HAS2: variants seen among roughly 807,000 people sequenced by gnomAD.
HAS2 encodes hyaluronan synthase 2.
A neutral mutation model predicts 51.6 loss-of-function variants in HAS2; 16 were observed. That is an observed-to-expected ratio of 0.31 (90% confidence interval 0.21 to 0.47). HAS2 has a LOEUF of 0.47. Among genes scored for constraint, HAS2 ranks in the 20% least tolerant of loss-of-function variants. HAS2 has a pLI of 1.00. For synonymous variants in HAS2, 228 were observed against 235.5 expected (o/e 0.97, Z 0.29); for missense variants, 361 against 662.6 (o/e 0.54, Z 5.00).
chr8:121,628,519 A>G (rs1184203107), intron 2 of HAS2, among the ~76,000 whole-genome samples, 195 bp downstream of exon 2: 1 of 152,200 alleles, frequency 6.6e-6, no homozygotes, highest in Non-Finnish European at 1.5e-5. Flanking sequence ...ATGTTCATAG[A>G]TAGTCTCAAC....
In HAS2 at chr8:121,622,727, C is replaced by A. The variant is rs571639905; in HGVS notation, c.628-5521G>T. ...TCAATCCAAAGCTCTAGTGCATGTT[C>A]ATTAATAATATTACAACAAACTTCT... On this transcript the variant is annotated intron_variant, in intron 2 of 3. Coordinates refer to ENST00000303924, the MANE Select transcript of HAS2 (RefSeq NM_005328.3). Among the ~76,000 whole-genome samples, 6 of 150,942 alleles carry A rather than the reference C, an allele frequency of 4.0e-5. No homozygotes were observed. In the East Asian group the frequency reaches 1.2e-3, roughly 29 times the overall value.
intron 1 of HAS2, among the ~76,000 whole-genome samples, chr8:121,638,100 A>G (rs1586511917): frequency 6.6e-6 from 1 of 152,372 alleles, no homozygotes; most frequent in Middle Eastern, 3.4e-3. Flanking sequence ...AAATAAATGA[A>G]CCAGTGACAA....
At chr8:121,633,267 T>C (rs1451453856) in intron 1 of HAS2, among the ~76,000 whole-genome samples, 1 of 151,610 alleles carries the variant, frequency 6.6e-6, no homozygotes, top group African/African-American at 2.4e-5. Flanking sequence ...TGCCTCAGTC[T>C]CCCGAGTAGC....
At chr8:121,638,598 A>G (rs10102290) in intron 1 of HAS2, among the ~76,000 whole-genome samples, 28,994 of 152,178 alleles carry the variant, frequency 0.19, 2,841 homozygotes, top group Middle Eastern at 0.31. Flanking sequence ...AATCAGAATT[A>G]TCTGTCCCAG....
Position 121,614,760 on chromosome 8 carries a change from G to A in HAS2, c.1008C>T (p.Cys336=), listed in dbSNP as rs1812679386. 6.2e-7 allele frequency: 1 copy of A among 1,614,224 alleles called. No homozygotes were observed. Among genetic ancestry groups the A allele is most frequent in the Non-Finnish European group, 8.5e-7 (1 of 1,180,038 alleles). ...YATKYTARSK[C]LTETPIEYLR... ...GATATTCTATAGGTGTTTCAGTAAG[G>A]CACTTAGATCGAGCTGTGTATTTTG... The change falls in exon 4 of 4, where the codon TGC becomes TGT. Residue 336 remains cysteine (C), a synonymous_variant. Transcript: ENST00000303924. This position sits in a 1 kb window ranked among gnomAD's most constrained non-coding sequence, Gnocchi z 7.2.
At chr8:121,616,442 C>CT (rs531349255) in intron 3 of HAS2, among the ~76,000 whole-genome samples, 9,537 of 140,836 alleles carry the variant, frequency 0.068, 328 homozygotes, top group Middle Eastern at 0.17. Flanking sequence ...TTTTCTTTTT[C>CT]TTTTTTTTTT....
In HAS2 at chr8:121,613,816, T is replaced by C. The variant is rs1214426299; in HGVS notation, c.*293A>G. On this transcript the variant is annotated 3_prime_UTR_variant, in exon 4 of 4. Coordinates refer to ENST00000303924, the MANE Select transcript of HAS2 (RefSeq NM_005328.3). ...CATGATAACCCACATAAAGCATGGC[T>C]AGTGAGGTATATAGGGCAAAACACT... 5.0e-6 allele frequency: 2 copies of C among 397,942 alleles called. No individual in the cohort carries two copies. The highest frequency in any genetic ancestry group is 2.0e-5 in the African/African-American group (1 of 49,392). The allele number at this position is 397,942 out of a possible 1,614,324, so 24.7% of individuals were successfully genotyped here.
chr8:121,620,282 T>C (rs1350501036), intron 2 of HAS2, among the ~76,000 whole-genome samples: 1 of 152,196 alleles, frequency 6.6e-6, no homozygotes, highest in Non-Finnish European at 1.5e-5. Flanking sequence ...AGCATAATTT[T>C]AGCCCTTCTT....
At chr8:121,632,569 T>C (rs1812948259) in intron 1 of HAS2, among the ~76,000 whole-genome samples, 1 of 152,196 alleles carries the variant, frequency 6.6e-6, no homozygotes, top group South Asian at 2.1e-4. Context: ...AACCAAGTGT[T>C]AAAGAACAGC....
Position 121,629,271 on chromosome 8 carries a change from G to A in HAS2, c.70C>T (p.Leu24Phe), listed in dbSNP as rs1233065882. The A allele has an allele frequency of 6.2e-7, 1 of 1,612,630 alleles. No homozygotes were observed. Among genetic ancestry groups the A allele is most frequent in the Admixed American group, 1.7e-5 (1 of 60,012 alleles). ...ACAATATAAGCAGCTGTGATTCCAA[G>A]GAGGAGAGAGACTCCAAAGAGTGTG... ...GTTLFGVSLL[L>F]GITAAYIVGY... Residue 24 changes from leucine (L) to phenylalanine (F), a missense_variant, in exon 2 of 4, where the codon CTT becomes TTT. By Grantham distance (22) the Leu-to-Phe change is conservative. This residue lies in a region of HAS2 where 145 missense variants were observed against 217.6 expected (regional missense o/e 0.67). Coordinates refer to ENST00000303924, the MANE Select transcript of HAS2 (RefSeq NM_005328.3).
intron 3 of HAS2, 21 bp downstream of exon 3, chr8:121,617,084 A>C: frequency 7.4e-7 from 1 of 1,359,568 alleles, no homozygotes; most frequent in Non-Finnish European, 1.0e-6. Flanking sequence ...AAACAAACAA[A>C]CAAAAAGTGA....
chr8:121,619,425 T>A (rs1812747001), intron 2 of HAS2, among the ~76,000 whole-genome samples: 1 of 152,160 alleles, frequency 6.6e-6, no homozygotes, highest in Non-Finnish European at 1.5e-5. Context: ...GGTTAACTTC[T>A]GAATTTTTAA....
At chr8:121,630,935 C>A (rs1812921841) in intron 1 of HAS2, among the ~76,000 whole-genome samples, 2 of 152,140 alleles carry the variant, frequency 1.3e-5, no homozygotes, top group South Asian at 4.1e-4. Flanking sequence ...TTTTGGGAAA[C>A]CTTAGTGTGG....
chr8:121,626,399 C>T (rs1812853724), intron 2 of HAS2, among the ~76,000 whole-genome samples: 1 of 152,156 alleles, frequency 6.6e-6, no homozygotes, highest in Admixed American at 6.5e-5. Flanking sequence ...TCGGCTGCAA[C>T]TGGAAACCAA....
intron 3 of HAS2, among the ~76,000 whole-genome samples, chr8:121,616,684 C>T (rs1812708132): frequency 6.6e-6 from 1 of 152,098 alleles, no homozygotes; most frequent in South Asian, 2.1e-4. Flanking sequence ...GATCCACCTG[C>T]CTCGGCCTCC....
Position 121,628,850 on chromosome 8 carries a change from T to A in HAS2, c.491A>T (p.His164Leu). 6.2e-7 allele frequency: 1 copy of A among 1,614,198 alleles called. No homozygotes were observed. The highest frequency in any genetic ancestry group is 8.5e-7 in the Non-Finnish European group (1 of 1,180,012). Residue 164 changes from histidine to leucine, a missense_variant, in exon 2 of 4, where the codon CAT becomes CTT. His to Leu is a moderately conservative substitution (Grantham distance 99). Around this residue, in one of 5 missense-constraint regions of HAS2, gnomAD observed 145 missense variants for 217.6 expected, o/e 0.67. Transcript: ENST00000303924. ...EKGPGETDES[H>L]KESSQHVTQL... ...CGTTACGTGTTGCGAGCTTTCTTTA[T>A]GTGACTCATCTGTCTCACCGGGACC...
In HAS2 at chr8:121,612,483, CA is replaced by C. The variant is rs573747298; in HGVS notation, c.*1625del. ...AAAAGAGGCAGAAAGGCAGGAAGCC[CA>C]TTTTTTTTTTAACACTTCTCCATGT... On this transcript the variant is annotated 3_prime_UTR_variant, in exon 4 of 4. Coordinates refer to ENST00000303924, the MANE Select transcript of HAS2 (RefSeq NM_005328.3). The C allele has an allele frequency of 8.2e-4, 124 of 151,808 alleles. No individual in the cohort carries two copies. The highest frequency in any genetic ancestry group is 2.9e-3 in the African/African-American group (120 of 41,194). The allele number at this position is 151,808 out of a possible 1,614,324, so 9.4% of individuals were successfully genotyped here. A position where few individuals can be genotyped will look rare whatever the true frequency, so the allele number is the denominator to read the frequency against.
chr8:121,620,716 C>T (rs747501656), intron 2 of HAS2, among the ~76,000 whole-genome samples: 6 of 152,068 alleles, frequency 3.9e-5, no homozygotes, highest in Non-Finnish European at 5.9e-5. Flanking sequence ...CTCACTACTC[C>T]AGCCAAGAGT....
At chr8:121,617,022 T>C (rs973160153) in intron 3 of HAS2, 83 bp downstream of exon 3, 23 of 778,356 alleles carry the variant, frequency 3.0e-5, no homozygotes, top group Non-Finnish European at 3.8e-5. Flanking sequence ...GTTTAATAAA[T>C]GTATGTTCAA....
Sources: allele counts gnomAD v4.1 joint callset (sites outside exome capture counted in the v4.1 genomes callset), GRCh38; gene constraint gnomAD v4.1.1; regional missense constraint gnomAD v4.1.1; non-coding constraint Gnocchi (gnomAD v3.1); transcripts MANE v1.5; gene names NCBI Gene and HGNC (gene_info 2026-07-23, HGNC 2026-07-21).